MAGI2: variants seen among roughly 807,000 people sequenced by gnomAD.
MAGI2 encodes the protein membrane-associated guanylate kinase, WW and PDZ domain-containing protein 2.
A neutral mutation model predicts 133.3 loss-of-function variants in MAGI2; 35 were observed. That is an observed-to-expected ratio of 0.26 (90% CI 0.20 to 0.35). The LOEUF (loss-of-function observed/expected upper bound fraction) is 0.35. Ranked by LOEUF, MAGI2 falls within the 10% of genes least tolerant of loss-of-function variation. The probability of loss-of-function intolerance (pLI) is 1.00; values close to 1 mark genes in which losing one functional copy is unlikely to be tolerated. For missense variants in MAGI2, 1,636 were observed against 1,863.4 expected (o/e 0.88, Z 2.25); for synonymous variants, 729 against 710.6 (o/e 1.03, Z -0.41).
intron 6 of MAGI2, among the ~76,000 whole-genome samples, chr7:78,442,538 A>T (rs1407970132): frequency 6.6e-6 from 1 of 152,142 alleles, no homozygotes; most frequent in East Asian, 1.9e-4. Flanking sequence ...TGGATTTCAG[A>T]TTTGCATGGG....
At chr7:78,571,509 AAGTGTTT>A (rs943416177) in intron 3 of MAGI2, among the ~76,000 whole-genome samples, 2 of 152,182 alleles carry the variant, frequency 1.3e-5, no homozygotes, top group African/African-American at 4.8e-5. Flanking sequence ...TACTGGGGAA[AAGTGTTT>A]ATAGAACATC....
intron 1 of MAGI2, among the ~76,000 whole-genome samples, chr7:79,046,897 C>A (rs1812225764): frequency 6.6e-6 from 1 of 152,182 alleles, no homozygotes; most frequent in African/African-American, 2.4e-5. Context: ...CAGCATGTTT[C>A]ATAATATCCA....
chr7:78,788,961 G>T (rs186108313), intron 2 of MAGI2, among the ~76,000 whole-genome samples: 1 of 152,012 alleles, frequency 6.6e-6, no homozygotes, highest in East Asian at 1.9e-4. Context: ...CTCCTGGGTC[G>T]CTGTCCAGAT....
intron 1 of MAGI2, among the ~76,000 whole-genome samples, chr7:79,071,901 G>T (rs980995773): frequency 1.3e-5 from 2 of 152,144 alleles, no homozygotes. Flanking sequence ...TGGGCTCCGT[G>T]GGGGTGGGAC....
chr7:78,346,567 C>G lies in MAGI2; in HGVS notation c.1104-524G>C, dbSNP rs115221863. ...AAGAGTTTGCAGAAGTTACAGAATA[C>G]ATATGTAGGACAGTTGATGCTGAAA... On this transcript the variant is annotated intron_variant, in intron 7 of 21. Transcript: ENST00000354212. 5.4e-3 allele frequency among the ~76,000 whole-genome samples: 817 copies of G among 152,226 alleles called. 7 individuals are homozygous for G. Among genetic ancestry groups the G allele is most frequent in the African/African-American group, 0.019 (769 of 41,524 alleles).
intron 21 of MAGI2, among the ~76,000 whole-genome samples, chr7:78,076,184 C>T (rs1319852559): frequency 6.6e-6 from 1 of 152,100 alleles, no homozygotes; most frequent in African/African-American, 2.4e-5. Context: ...AGGCTGGGTG[C>T]GGTGGCTCAT....
chr7:79,121,205 T>C, intron 1 of MAGI2, among the ~76,000 whole-genome samples: 1 of 152,110 alleles, frequency 6.6e-6, no homozygotes, highest in East Asian at 1.9e-4. Context: ...TTATACAAGT[T>C]ATCAATGAAA....
chr7:78,506,956 T>C (rs1310722339), intron 4 of MAGI2, among the ~76,000 whole-genome samples: 1 of 152,206 alleles, frequency 6.6e-6, no homozygotes, highest in Non-Finnish European at 1.5e-5. Flanking sequence ...AAATCTATAA[T>C]CATATTTGTT....
intron 9 of MAGI2, among the ~76,000 whole-genome samples, chr7:78,309,027 G>GA (rs35880932): frequency 0.24 from 35,882 of 151,956 alleles, 5,185 homozygotes; most frequent in Middle Eastern, 0.38. Context: ...TATTAAAAAG[G>GA]AAAAAAATAA....
At chr7:78,307,340 G>A (rs1179733291) in intron 9 of MAGI2, among the ~76,000 whole-genome samples, 1 of 152,090 alleles carries the variant, frequency 6.6e-6, no homozygotes, top group African/African-American at 2.4e-5. Flanking sequence ...ATTTAAATAG[G>A]TGCAGATACT....
intron 3 of MAGI2, among the ~76,000 whole-genome samples, chr7:78,553,651 T>C (rs926419507): frequency 6.6e-6 from 1 of 152,226 alleles, no homozygotes; most frequent in Admixed American, 6.5e-5. Context: ...GACACTGTCC[T>C]GGGTGCTAGA....
chr7:78,760,361 C>CTCTT (rs548812609), intron 2 of MAGI2, among the ~76,000 whole-genome samples: 1 of 124,642 alleles, frequency 8.0e-6, no homozygotes, highest in African/African-American at 3.0e-5. Flanking sequence ...TTAATTCTCT[C>CTCTT]TTTTTTTTTT....
intron 2 of MAGI2, among the ~76,000 whole-genome samples, chr7:78,674,543 T>C (rs999959592): frequency 2.0e-5 from 3 of 152,134 alleles, no homozygotes; most frequent in Admixed American, 6.6e-5. Flanking sequence ...AGTTATATAA[T>C]GTGTAATTTT....
chr7:78,033,875 C>T (rs1295887958), intron 21 of MAGI2, among the ~76,000 whole-genome samples: 1 of 152,064 alleles, frequency 6.6e-6, no homozygotes, highest in Non-Finnish European at 1.5e-5. Context: ...TGTGTGCCAA[C>T]CAAGGAGTGG....
At chr7:78,100,560 C>T (rs1241556221) in intron 20 of MAGI2, among the ~76,000 whole-genome samples, 3 of 151,644 alleles carry the variant, frequency 2.0e-5, no homozygotes, top group Admixed American at 2.0e-4. Flanking sequence ...CTATGTTGAT[C>T]AGGCTGGTCT....
chr7:78,615,649 C>T (rs898664204), intron 3 of MAGI2: 2 of 152,212 alleles, frequency 1.3e-5, no homozygotes, highest in Non-Finnish European at 2.9e-5. Context: ...CCCTTGTTTA[C>T]ATATGGCATG....
intron 1 of MAGI2, among the ~76,000 whole-genome samples, chr7:79,230,695 C>T (rs1831292298): frequency 2.0e-5 from 3 of 151,718 alleles, no homozygotes; most frequent in Non-Finnish European, 4.4e-5. Flanking sequence ...GATATTAGCC[C>T]TTTGTCAGAT....
intron 1 of MAGI2, among the ~76,000 whole-genome samples, chr7:79,214,773 T>C (rs28797013): frequency 0.013 from 1,801 of 141,042 alleles, 42 homozygotes; most frequent in African/African-American, 0.044. Flanking sequence ...TATAAATAGA[T>C]AATATAAAAA....
chr7:79,194,899 T>C (rs1444767167), intron 1 of MAGI2, among the ~76,000 whole-genome samples: 1 of 151,872 alleles, frequency 6.6e-6, no homozygotes, highest in African/African-American at 2.4e-5. Flanking sequence ...CAATGAGAAA[T>C]ATCATACTAA....
Sources: gnomAD v4.1 joint callset for allele counts (sites outside exome capture counted in the v4.1 genomes callset) on GRCh38, gnomAD v4.1.1 for gene constraint, MANE v1.5 for transcripts, NCBI Gene and HGNC (gene_info 2026-07-23, HGNC 2026-07-21) for gene names.